The following DMD variants were observed in gnomAD, a reference collection of about 807,000 sequenced individuals.
DMD encodes the protein mutant dystrophin.
Under a neutral mutation model 330.1 loss-of-function variants are expected in DMD, and 63 were observed. The observed-to-expected ratio is 0.19, with a 90% CI of 0.16 to 0.24. The LOEUF (loss-of-function observed/expected upper bound fraction) is 0.24, where lower values mean the gene tolerates loss of function less well. Among genes scored for constraint, DMD ranks in the 10% least tolerant of loss-of-function variants. DMD has a pLI of 1.00. For synonymous variants in DMD, 1,223 were observed against 959.8 expected (o/e 1.27, Z -5.07); for missense variants, 3,344 against 2,684.1 (o/e 1.25, Z -5.43).
At chrX:32,597,900 C>A (rs1438186829) in intron 12 of DMD, among the ~76,000 whole-genome samples, 1 of 112,115 alleles carries the variant, frequency 8.9e-6, no homozygotes, top group Non-Finnish European at 1.9e-5. Flanking sequence ...CATTTTGTTA[C>A]ATAACACAAG....
intron 1 of DMD, among the ~76,000 whole-genome samples, chrX:33,039,407 C>T (rs1365478163): frequency 1.0e-5 from 1 of 99,523 alleles, no homozygotes; most frequent in Non-Finnish European, 2.0e-5. Context: ...GCAGGTTCTA[C>T]ACTTTTGAAT....
intron 43 of DMD, among the ~76,000 whole-genome samples, chrX:32,250,485 T>G (rs1404498597): frequency 8.9e-6 from 1 of 112,184 alleles, no homozygotes; most frequent in Admixed American, 9.5e-5. Context: ...ATTTTTCTCC[T>G]GCTTATCGTA....
At chrX:33,148,670 GA>G (rs1350896480) in intron 1 of DMD, among the ~76,000 whole-genome samples, 1 of 111,400 alleles carries the variant, frequency 9.0e-6, no homozygotes, top group Non-Finnish European at 1.9e-5. Flanking sequence ...TAAAAAATTA[GA>G]AAAAATGTGA....
intron 55 of DMD, among the ~76,000 whole-genome samples, chrX:31,543,702 T>C (rs1307927264): frequency 2.7e-5 from 3 of 112,230 alleles, no homozygotes; most frequent in Admixed American, 1.9e-4. Flanking sequence ...AAAGCATTTT[T>C]ACGAGGAAAA....
At chrX:32,863,649 T>C (rs2082263622) in intron 2 of DMD, among the ~76,000 whole-genome samples, 1 of 107,203 alleles carries the variant, frequency 9.3e-6, no homozygotes, top group African/African-American at 3.5e-5. Flanking sequence ...TCCAGGGAAA[T>C]TGCAGAGAAG....
intron 63 of DMD, among the ~76,000 whole-genome samples, chrX:31,226,487 T>C (rs1344883969): frequency 8.9e-6 from 1 of 112,220 alleles, no homozygotes; most frequent in South Asian, 3.7e-4. Flanking sequence ...ATGCTATATA[T>C]ACAGATTGCT....
chrX:31,818,328 TAATA>T (rs780761196), intron 50 of DMD, among the ~76,000 whole-genome samples: 8 of 112,274 alleles, frequency 7.1e-5, no homozygotes, highest in African/African-American at 9.7e-5. Flanking sequence ...ACATGGAAGT[TAATA>T]AATAAAGTGG....
chrX:31,910,467 G>A (rs1470796236), intron 47 of DMD, among the ~76,000 whole-genome samples: 1 of 112,200 alleles, frequency 8.9e-6, no homozygotes, highest in Admixed American at 9.5e-5. Context: ...ACTCTCCCAA[G>A]GAGTGGGGAG....
At chrX:31,846,658 T>A (rs1278076117) in intron 48 of DMD, among the ~76,000 whole-genome samples, 1 of 111,967 alleles carries the variant, frequency 8.9e-6, no homozygotes, top group Non-Finnish European at 1.9e-5. Context: ...ATTCTGTACC[T>A]TTAGAAAATG....
intron 44 of DMD, among the ~76,000 whole-genome samples, chrX:32,094,099 C>G (rs976691760): frequency 8.9e-6 from 1 of 111,815 alleles, no homozygotes; most frequent in African/African-American, 3.2e-5. Context: ...AAAATTTACT[C>G]TCTTAGGAAA....
chrX:31,368,164 G>A (rs1434380257), intron 60 of DMD, among the ~76,000 whole-genome samples: 1 of 112,029 alleles, frequency 8.9e-6, no homozygotes, highest in Non-Finnish European at 1.9e-5. Context: ...CTTCCTGGGT[G>A]GGCAAGCATA....
At chrX:33,198,921 A>G (rs1437235581) in intron 1 of DMD, among the ~76,000 whole-genome samples, 6 of 109,742 alleles carry the variant, frequency 5.5e-5, no homozygotes, top group Non-Finnish European at 7.6e-5. Context: ...GGTTCTAGAC[A>G]AATAGAAAAG....
At chrX:31,949,001 A>G (rs186244472) in intron 45 of DMD, among the ~76,000 whole-genome samples, 1 of 111,732 alleles carries the variant, frequency 8.9e-6, no homozygotes, top group East Asian at 2.8e-4. Context: ...ACAGTACCAC[A>G]CTGTCTTCAT....
At chrX:32,072,595 A>G (rs2096309253) in intron 44 of DMD, among the ~76,000 whole-genome samples, 1 of 111,575 alleles carries the variant, frequency 9.0e-6, no homozygotes, top group Non-Finnish European at 1.9e-5. Context: ...ATATATTTTA[A>G]TTCCTGTAAA....
At chrX:32,478,497 A>G (rs1164522302) in intron 21 of DMD, among the ~76,000 whole-genome samples, 3 of 111,896 alleles carry the variant, frequency 2.7e-5, no homozygotes, top group Non-Finnish European at 5.7e-5. Context: ...AAAGGTGTCA[A>G]GAAATACAAC....
intron 2 of DMD, among the ~76,000 whole-genome samples, chrX:32,879,956 C>A (rs1291112429): frequency 2.7e-5 from 3 of 111,136 alleles, no homozygotes; most frequent in African/African-American, 9.8e-5. Flanking sequence ...TCATGAGTGA[C>A]CTCCACACCT....
intron 44 of DMD, among the ~76,000 whole-genome samples, chrX:32,114,144 T>A (rs1184573548): frequency 1.8e-5 from 2 of 112,186 alleles, no homozygotes; most frequent in Non-Finnish European, 3.8e-5. Context: ...ATTGTTTGTA[T>A]TTATCTTTAG....
intron 63 of DMD, among the ~76,000 whole-genome samples, chrX:31,247,137 G>T (rs988434730): frequency 9.0e-6 from 1 of 111,650 alleles, no homozygotes; most frequent in African/African-American, 3.3e-5. Context: ...CTTGGATGGA[G>T]ATGTACAAAG....
chrX:31,569,632 GTATATATATGTATA>G (rs1481742530), intron 55 of DMD, among the ~76,000 whole-genome samples: 3 of 95,598 alleles, frequency 3.1e-5, no homozygotes, highest in Non-Finnish European at 6.2e-5. Context: ...ACGTATATAC[GTATATATATGTATA>G]TACGTATATA....
Sources: allele counts gnomAD v4.1 joint callset (sites outside exome capture counted in the v4.1 genomes callset), GRCh38; gene constraint gnomAD v4.1.1; transcripts MANE v1.5; gene names NCBI Gene and HGNC (gene_info 2026-07-23, HGNC 2026-07-21).